CMIP: variants seen among roughly 807,000 people sequenced by gnomAD.
CMIP encodes the protein C-Maf-inducing protein.
Under a neutral mutation model 97.3 loss-of-function variants are expected in CMIP, and 13 were observed. The observed-to-expected ratio is 0.13, with a 90% CI of 0.09 to 0.21. The LOEUF is 0.21. Among genes scored for constraint, CMIP ranks in the 10% least tolerant of loss-of-function variants. The pLI, the probability that CMIP is intolerant of heterozygous loss-of-function variation, is 1.00. For missense variants in CMIP, 847 were observed against 1,024.9 expected (o/e 0.83, Z 2.37); for synonymous variants, 538 against 436.3 (o/e 1.23, Z -2.91).
intron 10 of CMIP, among the ~76,000 whole-genome samples, chr16:81,684,484 C>A (rs1003112667): frequency 6.6e-6 from 1 of 152,198 alleles, no homozygotes; most frequent in Admixed American, 6.5e-5. Context: ...GCGTCCTGTC[C>A]ACAGGGCAGC....
At chr16:81,682,590 T>C (rs1433233884) in intron 10 of CMIP, among the ~76,000 whole-genome samples, 1 of 151,796 alleles carries the variant, frequency 6.6e-6, no homozygotes, top group African/African-American at 2.4e-5. Context: ...AAGATGACTT[T>C]ATGTGGAATT....
intron 10 of CMIP, 84 bp from the exon 11 acceptor site, chr16:81,691,691 C>T: frequency 3.7e-6 from 4 of 1,091,210 alleles, no homozygotes; most frequent in Non-Finnish European, 5.6e-6. Context: ...CTCACCCCAT[C>T]TTTTGGCCCA....
Position 81,521,385 on chromosome 16 carries a change from C to A in CMIP, c.300+75844C>A, listed in dbSNP as rs1018412883. 6.9e-3 allele frequency among the ~76,000 whole-genome samples: 1,047 copies of A among 151,848 alleles called. 8 individuals are homozygous for A. Among genetic ancestry groups the A allele is most frequent in the African/African-American group, 0.024 (988 of 41,192 alleles). ...GTGGCTTCGCATTTGCCACCCCCCC[C>A]CGAATAGCAAACACGAGCTGCCCCC... On this transcript the variant is annotated intron_variant, in intron 1 of 20. Transcript: ENST00000537098.
chr16:81,707,126 C>T lies in CMIP; in HGVS notation c.2268+42C>T, dbSNP rs763427962. 3.9e-6 allele frequency: 6 copies of T among 1,556,268 alleles called. No homozygotes were observed. The East Asian group carries it at 1.3e-4, about 35-fold the overall frequency. On this transcript the variant is annotated intron_variant, in intron 20 of 20. Coordinates refer to ENST00000537098, the MANE Select transcript of CMIP (RefSeq NM_198390.3). ...TCCCCACTCTCCTCCCCTCCTTCTT[C>T]TAGCCAGCATCTGGATGCTGGTGCA...
chr16:81,670,311 C>T (rs1161090008), intron 8 of CMIP, 66 bp downstream of exon 8: 4 of 1,496,986 alleles, frequency 2.7e-6, no homozygotes, highest in Admixed American at 3.9e-5. Flanking sequence ...CCTGTTTACT[C>T]AGATATCCAC....
intron 3 of CMIP, among the ~76,000 whole-genome samples, chr16:81,640,807 G>T (rs939703955): frequency 6.7e-6 from 1 of 149,948 alleles, no homozygotes; most frequent in Admixed American, 6.7e-5. Context: ...TTATAACGAC[G>T]CCAGTCACTG....
At chr16:81,667,799 A>AGAGAGAGAGAGAGAGAGAGTGT in intron 7 of CMIP, among the ~76,000 whole-genome samples, 27 of 58,130 alleles carry the variant, frequency 4.6e-4, no homozygotes, top group Non-Finnish European at 7.4e-4. Flanking sequence ...AGAGAGAGAG[A>AGAGAGAGAGAGAGAGAGAGTGT]GTGTGTGTGT....
intron 3 of CMIP, chr16:81,645,215 C>T: frequency 5.2e-6 from 2 of 383,442 alleles, no homozygotes; most frequent in South Asian, 6.8e-5. Flanking sequence ...AGGACCTGCA[C>T]TGGAAAAAGT....
chr16:81,608,968 G>C (rs768780698), intron 2 of CMIP, among the ~76,000 whole-genome samples: 5 of 152,314 alleles, frequency 3.3e-5, no homozygotes, highest in Non-Finnish European at 7.4e-5. Context: ...GCATTGGGCT[G>C]AGAGTCACCC....
intron 1 of CMIP, among the ~76,000 whole-genome samples, chr16:81,448,940 G>T (rs1026872288): frequency 6.6e-6 from 1 of 152,232 alleles, no homozygotes; most frequent in Admixed American, 6.5e-5. Context: ...GGTGATGGTC[G>T]TGTTGGTTGT....
chr16:81,672,265 A>C (rs1030789196), intron 9 of CMIP, among the ~76,000 whole-genome samples, 195 bp downstream of exon 9: 1 of 152,244 alleles, frequency 6.6e-6, no homozygotes, highest in African/African-American at 2.4e-5. Context: ...GCTGCTGAAA[A>C]AGCAAGCACT....
chr16:81,623,009 C>T (rs1206209270), intron 3 of CMIP, among the ~76,000 whole-genome samples: 6 of 152,218 alleles, frequency 3.9e-5, no homozygotes, highest in Admixed American at 2.0e-4. Flanking sequence ...TCAAGACCAG[C>T]CTGGGCAGCA....
intron 1 of CMIP, among the ~76,000 whole-genome samples, chr16:81,470,324 A>G (rs1907446878): frequency 6.6e-6 from 1 of 152,090 alleles, no homozygotes; most frequent in South Asian, 2.1e-4. Flanking sequence ...TTGGGTCCAG[A>G]GCCTTCTTTG....
intron 1 of CMIP, among the ~76,000 whole-genome samples, chr16:81,549,876 G>T (rs1324927305): frequency 5.9e-5 from 9 of 152,224 alleles, no homozygotes; most frequent in Non-Finnish European, 1.0e-4. Context: ...GTGTATGTTT[G>T]TACATGTGTA....
In CMIP at chr16:81,474,006, T is replaced by TC. The variant is rs201677675; in HGVS notation, c.300+28467dup. ...TTTGCTCCTGGGATCCCCAGACAGT[T>TC]CCGAGGTGGTGCTTCCTGTGATCAT... On this transcript the variant is annotated intron_variant, in intron 1 of 20. Coordinates refer to ENST00000537098, the MANE Select transcript of CMIP (RefSeq NM_198390.3). Among the ~76,000 whole-genome samples the TC allele has an allele frequency of 2.5e-3, 382 of 152,202 alleles. 5 individuals carry two copies. The East Asian group carries it at 0.055, about 22-fold the overall frequency.
At chr16:81,467,168 G>T (rs947485022) in intron 1 of CMIP, among the ~76,000 whole-genome samples, 1 of 152,214 alleles carries the variant, frequency 6.6e-6, no homozygotes, top group Non-Finnish European at 1.5e-5. Context: ...ACGCCCTTGG[G>T]CTGGACGTGG....
intron 1 of CMIP, among the ~76,000 whole-genome samples, chr16:81,556,431 G>T (rs1366270369): frequency 6.6e-6 from 1 of 152,118 alleles, no homozygotes; most frequent in Non-Finnish European, 1.5e-5. Context: ...ATAGTAACTT[G>T]GCTGCACCCT....
Position 81,691,327 on chromosome 16 carries a change from C to G in CMIP, c.1389-448C>G, listed in dbSNP as rs940004397. Among the ~76,000 whole-genome samples, 30 of 152,190 alleles carry G rather than the reference C, an allele frequency of 2.0e-4. 1 individual carries two copies. Among genetic ancestry groups the G allele is most frequent in the Admixed American group, 1.3e-4 (2 of 15,280 alleles). Reference sequence around the variant, plus strand: ...TCCGTGTTTCCTCTTCTTCTAAGGACATCCGTCTACAGCCTCATTGTAACC... The same window carrying G: ...TCCGTGTTTCCTCTTCTTCTAAGGAGATCCGTCTACAGCCTCATTGTAACC... On this transcript the variant is annotated intron_variant, in intron 10 of 20. Transcript: ENST00000537098.
intron 1 of CMIP, chr16:81,495,268 G>C: frequency 7.2e-7 from 1 of 1,394,828 alleles, no homozygotes; most frequent in Middle Eastern, 2.7e-4. Context: ...CTCTCAGCCT[G>C]GGGGAAGCAG....
Sources: allele counts gnomAD v4.1 joint callset (sites outside exome capture counted in the v4.1 genomes callset), GRCh38; gene constraint gnomAD v4.1.1; transcripts MANE v1.5; gene names NCBI Gene and HGNC (gene_info 2026-07-23, HGNC 2026-07-21).